Variants in PDE3A observed in about 807,000 individuals in gnomAD.
PDE3A encodes the protein cGMP-inhibited 3',5'-cyclic phosphodiesterase 3A.
In PDE3A, 43 loss-of-function variants were observed where a neutral mutation model predicts 98.3. The ratio of observed to expected loss-of-function variants is 0.44; its 90% CI spans 0.34 to 0.56. The LOEUF (loss-of-function observed/expected upper bound fraction) is 0.56, where lower values mean the gene tolerates loss of function less well. Among genes scored for constraint, PDE3A ranks in the 20% least tolerant of loss-of-function variants. The pLI, the probability that PDE3A is intolerant of heterozygous loss-of-function variation, is 0.01. For missense variants in PDE3A, 1,427 were observed against 1,440.7 expected (o/e 0.99, Z 0.15); for synonymous variants, 663 against 567.9 (o/e 1.17, Z -2.38).
intron 1 of PDE3A, among the ~76,000 whole-genome samples, chr12:20,473,314 A>G (rs557332753): frequency 6.6e-6 from 1 of 152,302 alleles, no homozygotes; most frequent in East Asian, 1.9e-4. Context: ...GTATGTTGAC[A>G]AGACCTACGT....
At chr12:20,439,140 T>G (rs1022409655) in intron 1 of PDE3A, among the ~76,000 whole-genome samples, 1 of 152,102 alleles carries the variant, frequency 6.6e-6, no homozygotes, top group Non-Finnish European at 1.5e-5. Flanking sequence ...AAAAATGAAA[T>G]CTTTACAGTT....
intron 2 of PDE3A, among the ~76,000 whole-genome samples, chr12:20,602,965 A>T (rs1453887600): frequency 6.6e-6 from 1 of 152,196 alleles, no homozygotes; most frequent in Non-Finnish European, 1.5e-5. Flanking sequence ...ATTGTATCAA[A>T]TCCAGCTCAT....
At chr12:20,637,008 A>G in intron 8 of PDE3A, 92 bp from the exon 9 acceptor site, 1 of 787,108 alleles carries the variant, frequency 1.3e-6, no homozygotes, top group Non-Finnish European at 1.9e-6. Flanking sequence ...TTTATTTCCG[A>G]TAGCCACAGT....
chr12:20,613,738 AT>A (rs760526756), intron 3 of PDE3A, 38 bp downstream of exon 3: 126 of 1,519,876 alleles, frequency 8.3e-5, no homozygotes, highest in Non-Finnish European at 1.0e-4. Flanking sequence ...GGGTTAAACT[AT>A]TTTTTTTAAT....
rs1242342147 is a variant in PDE3A, at chr12:20,681,245, T to C, written c.*974T>C. The C allele has an allele frequency of 1.3e-5, 2 of 152,182 alleles. No homozygotes were observed. Among genetic ancestry groups the C allele is most frequent in the African/African-American group, 4.8e-5 (2 of 41,444 alleles). The allele number at this position is 152,182 out of a possible 1,614,324, so 9.4% of individuals were successfully genotyped here. On this transcript the variant is annotated 3_prime_UTR_variant, in exon 16 of 16. Transcript: ENST00000359062. Reference sequence around the variant, plus strand: ...AATGTATAGGAACTGTCTATGAGTATGGATGTCACTCAACTAAGATCAAAT... The same window carrying C: ...AATGTATAGGAACTGTCTATGAGTACGGATGTCACTCAACTAAGATCAAAT...
intron 1 of PDE3A, among the ~76,000 whole-genome samples, chr12:20,548,325 C>A (rs1309060674): frequency 2.0e-5 from 3 of 152,016 alleles, no homozygotes; most frequent in Admixed American, 6.6e-5. Flanking sequence ...GCAGGCATAA[C>A]CTTGGTGACC....
At chr12:20,615,292 A>G (rs1565450267) in intron 3 of PDE3A, among the ~76,000 whole-genome samples, 1 of 152,112 alleles carries the variant, frequency 6.6e-6, no homozygotes, top group Non-Finnish European at 1.5e-5. Flanking sequence ...AGATGATGCT[A>G]CATGTCCTGT....
At chr12:20,481,091 A>T (rs6487096) in intron 1 of PDE3A, among the ~76,000 whole-genome samples, 146,925 of 152,292 alleles carry the variant, frequency 0.96, 70,914 homozygotes, top group East Asian at 1. Context: ...GCCAAAAATA[A>T]TGTTGTTGTT....
At chr12:20,515,046 G>A (rs538819025) in intron 1 of PDE3A, among the ~76,000 whole-genome samples, 18 of 152,272 alleles carry the variant, frequency 1.2e-4, no homozygotes, top group East Asian at 3.9e-4. Context: ...AGGGCAAGAG[G>A]GGGCCGAACT....
intron 1 of PDE3A, among the ~76,000 whole-genome samples, chr12:20,424,967 G>A (rs1944579808): frequency 6.6e-6 from 1 of 152,208 alleles, no homozygotes. Flanking sequence ...TTCTAGTAAT[G>A]AGATGCTCTT....
intron 1 of PDE3A, among the ~76,000 whole-genome samples, chr12:20,386,362 G>C (rs1189376682): frequency 2.0e-5 from 3 of 148,212 alleles, no homozygotes; most frequent in Non-Finnish European, 4.5e-5. Context: ...TGTGGTTTTG[G>C]TTTGCATTTC....
At chr12:20,549,874 A>G (rs1942153516) in intron 1 of PDE3A, among the ~76,000 whole-genome samples, 1 of 152,144 alleles carries the variant, frequency 6.6e-6, no homozygotes, top group Non-Finnish European at 1.5e-5. Flanking sequence ...TTAAAAGAAA[A>G]AGTCAAATTT....
chr12:20,444,442 G>A lies in PDE3A; in HGVS notation c.960+74198G>A, dbSNP rs536088573. Among the ~76,000 whole-genome samples, 21 of 152,242 alleles carry A rather than the reference G, an allele frequency of 1.4e-4. No homozygotes were observed. The South Asian group carries it at 3.9e-3, about 29-fold the overall frequency. On this transcript the variant is annotated intron_variant, in intron 1 of 15. Transcript: ENST00000359062. ...AAACCAAACCAAATAAAATGAATTG[G>A]TTGTATTAATTTGTATCATCCATTT...
At chr12:20,443,370 T>C (rs1240858868) in intron 1 of PDE3A, among the ~76,000 whole-genome samples, 1 of 152,146 alleles carries the variant, frequency 6.6e-6, no homozygotes, top group Non-Finnish European at 1.5e-5. Flanking sequence ...GGGATATGGC[T>C]GACAGGAGGA....
intron 1 of PDE3A, among the ~76,000 whole-genome samples, chr12:20,451,986 C>G (rs1295705187): frequency 6.6e-6 from 1 of 152,168 alleles, no homozygotes; most frequent in South Asian, 2.1e-4. Context: ...GTCTGCCTTG[C>G]TTTTGTATCT....
intron 1 of PDE3A, among the ~76,000 whole-genome samples, chr12:20,422,603 C>A (rs1159301457): frequency 6.6e-6 from 1 of 152,026 alleles, no homozygotes; most frequent in Non-Finnish European, 1.5e-5. Context: ...CAGAAAAACA[C>A]CATAATTTAA....
chr12:20,578,878 A>G (rs1943001838), intron 2 of PDE3A, among the ~76,000 whole-genome samples: 1 of 152,138 alleles, frequency 6.6e-6, no homozygotes, highest in Non-Finnish European at 1.5e-5. Context: ...TAGGAGTTTA[A>G]GAGTTGTGTT....
intron 15 of PDE3A, among the ~76,000 whole-genome samples, chr12:20,664,386 C>T (rs112590655): frequency 6.6e-6 from 1 of 152,140 alleles, no homozygotes; most frequent in African/African-American, 2.4e-5. Flanking sequence ...TGGAAAAGAA[C>T]AGACCTCTCT....
intron 2 of PDE3A, among the ~76,000 whole-genome samples, chr12:20,583,219 C>G (rs1475646182): frequency 1.3e-5 from 2 of 152,168 alleles, no homozygotes; most frequent in African/African-American, 4.8e-5. Flanking sequence ...ATACACTGCT[C>G]TGGTGATGGG....
Sources: allele counts gnomAD v4.1 joint callset (sites outside exome capture counted in the v4.1 genomes callset), GRCh38; gene constraint gnomAD v4.1.1; transcripts MANE v1.5; gene names NCBI Gene and HGNC (gene_info 2026-07-23, HGNC 2026-07-21).